Variants in PCNX2 observed in about 807,000 individuals in gnomAD.
PCNX2 encodes the protein pecanex 2.
In PCNX2, 168 loss-of-function variants were observed where a neutral mutation model predicts 223.8. That is an observed-to-expected ratio of 0.75 (90% CI 0.66 to 0.85). PCNX2 has a LOEUF of 0.85. Among genes scored for constraint, PCNX2 ranks in the 40% least tolerant of loss-of-function variants. The probability of loss-of-function intolerance (pLI) is 0.00; values close to 1 mark genes in which losing one functional copy is unlikely to be tolerated. For missense variants in PCNX2, 2,507 were observed against 2,675.5 expected, an observed-to-expected ratio of 0.94 and a Z score of 1.39; for synonymous variants, 1,006 against 1,052.6, an observed-to-expected ratio of 0.96 and a Z score of 0.86.
rs1363178562 is a variant in PCNX2 at position 233,208,701 on chromosome 1, A to G, written c.2692-12T>C. ...ATTTGGTTGTGTCCCTAGAAAACAAACACAATTTCTGAATGGTACCTCTTA... is the reference window on the plus strand; with the variant it reads ...ATTTGGTTGTGTCCCTAGAAAACAAGCACAATTTCTGAATGGTACCTCTTA... On this transcript the variant is annotated splice_polypyrimidine_tract_variant and intron_variant, in intron 12 of 33. Transcript: ENST00000258229. 1 of 1,607,874 alleles carries G rather than the reference A, an allele frequency of 6.2e-7. No individual in the cohort carries two copies. The highest frequency in any genetic ancestry group is 2.2e-5 in the East Asian group (1 of 44,800).
intron 28 of PCNX2, among the ~76,000 whole-genome samples, chr1:233,013,939 A>G (rs372311130): frequency 2.0e-5 from 3 of 151,864 alleles, no homozygotes; most frequent in Non-Finnish European, 4.4e-5. Flanking sequence ...GTGGGCAGAC[A>G]GAGTTCAGCA....
chr1:233,061,476 A>G (rs35138104), intron 23 of PCNX2, among the ~76,000 whole-genome samples: 49,145 of 152,082 alleles, frequency 0.32, 10,535 homozygotes, highest in African/African-American at 0.62. Flanking sequence ...ACTGCCTCGG[A>G]TCAGCGCCTT....
chr1:233,305,495 G>T, the PCNX2 span, among the ~76,000 whole-genome samples: 1 of 152,022 alleles, frequency 6.6e-6, no homozygotes. Context: ...ACCCAGGCTG[G>T]AGTGAAGTGG....
At chr1:233,006,890 G>C (rs143832438) in intron 28 of PCNX2, among the ~76,000 whole-genome samples, 1 of 152,210 alleles carries the variant, frequency 6.6e-6, no homozygotes, top group African/African-American at 2.4e-5. Flanking sequence ...CTCAGAGTGT[G>C]TGTGCCCATC....
intron 15 of PCNX2, among the ~76,000 whole-genome samples, chr1:233,198,562 T>C (rs1207141953): frequency 3.3e-5 from 5 of 152,248 alleles, no homozygotes; most frequent in Admixed American, 2.6e-4. Flanking sequence ...TCTGTCCTCT[T>C]GTCTATCTAG....
chr1:233,136,857 G>A (rs1676834161), intron 20 of PCNX2, among the ~76,000 whole-genome samples: 1 of 152,116 alleles, frequency 6.6e-6, no homozygotes, highest in Non-Finnish European at 1.5e-5. Flanking sequence ...GGTTTTCAGG[G>A]GAGACTGCTG....
At chr1:233,169,318 A>T (rs1678992407) in intron 17 of PCNX2, among the ~76,000 whole-genome samples, 2 of 152,222 alleles carry the variant, frequency 1.3e-5, no homozygotes, top group South Asian at 2.1e-4. Flanking sequence ...GATTTTATTT[A>T]ATATATTTTT....
intron 1 of PCNX2, among the ~76,000 whole-genome samples, chr1:233,265,000 G>A (rs1660251578): frequency 6.6e-6 from 1 of 152,126 alleles, no homozygotes; most frequent in African/African-American, 2.4e-5. Context: ...CACTTTGGGA[G>A]GCCAAGGCAG....
intron 28 of PCNX2, among the ~76,000 whole-genome samples, chr1:233,003,652 G>A (rs1343886343): frequency 6.6e-6 from 1 of 152,166 alleles, no homozygotes; most frequent in Non-Finnish European, 1.5e-5. Flanking sequence ...CCATTACTGG[G>A]TATATACCCA....
Position 233,272,617 on chromosome 1 carries a change from A to G in PCNX2, c.154-9454T>C, listed in dbSNP as rs772282252. ...TTAAAGAACTAAAAGTAGAACTACC[A>G]TTTGATCCAGCAGTCCCACTACTGG... is the stretch of plus-strand genomic sequence containing the variant. On this transcript the variant is annotated intron_variant, in intron 1 of 33. Transcript: ENST00000258229. Among the ~76,000 whole-genome samples the G allele has an allele frequency of 1.3e-4, 20 of 152,362 alleles. 1 individual carries two copies. The highest frequency in any genetic ancestry group is 6.8e-3 in the Middle Eastern group (2 of 294).
the PCNX2 span, among the ~76,000 whole-genome samples, chr1:233,305,667 C>T: frequency 6.6e-6 from 1 of 152,192 alleles, no homozygotes; most frequent in Non-Finnish European, 1.5e-5. Flanking sequence ...GTTGCCCAGA[C>T]TGGTTTCAAT....
At chr1:233,017,356 CA>C (rs1670713001) in intron 26 of PCNX2, among the ~76,000 whole-genome samples, 1 of 122,354 alleles carries the variant, frequency 8.2e-6, no homozygotes, top group Non-Finnish European at 1.6e-5. Flanking sequence ...CTTGCTCTGT[CA>C]CCCAGGCTGG....
intron 8 of PCNX2, among the ~76,000 whole-genome samples, chr1:233,248,499 C>T (rs1255617268): frequency 3.3e-5 from 5 of 151,864 alleles, no homozygotes; most frequent in African/African-American, 1.2e-4. Flanking sequence ...GTCTTTTGAC[C>T]GCCGGGGTGA....
At chr1:233,162,016 T>TTA (rs1474128692) in intron 17 of PCNX2, among the ~76,000 whole-genome samples, 1 of 149,324 alleles carries the variant, frequency 6.7e-6, no homozygotes, top group Admixed American at 6.7e-5. Flanking sequence ...ATGTTTATAT[T>TTA]TATATATATA....
intron 10 of PCNX2, among the ~76,000 whole-genome samples, chr1:233,225,110 T>TA (rs71173259): frequency 0.21 from 8,944 of 42,136 alleles, 827 homozygotes; most frequent in Non-Finnish European, 0.29. Context: ...AGAACTAAAG[T>TA]AAAAAAAAAA....
intron 17 of PCNX2, chr1:233,172,520 T>C: frequency 2.0e-6 from 2 of 985,418 alleles, no homozygotes; most frequent in Non-Finnish European, 2.4e-6. Context: ...GCTGACTTCC[T>C]GAGGATCATC....
chr1:233,049,620 C>T (rs971020917), intron 25 of PCNX2, among the ~76,000 whole-genome samples: 2 of 152,082 alleles, frequency 1.3e-5, no homozygotes, highest in African/African-American at 4.8e-5. Flanking sequence ...AGCAGCCAAT[C>T]CAGAGAAATA....
chr1:233,194,460 G>A (rs534274224), intron 15 of PCNX2, among the ~76,000 whole-genome samples: 1 of 152,060 alleles, frequency 6.6e-6, no homozygotes, highest in African/African-American at 2.4e-5. Context: ...AATGTACATT[G>A]CAGAAATTAT....
At chr1:232,996,089 T>TGACCTCAA in intron 32 of PCNX2, among the ~76,000 whole-genome samples, 1 of 152,204 alleles carries the variant, frequency 6.6e-6, no homozygotes. Flanking sequence ...CTTGAACTCC[T>TGACCTCAA]GACCTCAAGT....
Sources: gnomAD v4.1 joint callset for allele counts (sites outside exome capture counted in the v4.1 genomes callset) on GRCh38, gnomAD v4.1.1 for gene constraint, MANE v1.5 for transcripts, NCBI Gene and HGNC (gene_info 2026-07-23, HGNC 2026-07-21) for gene names.